Variants in TMEM266 observed in about 807,000 individuals in gnomAD.
TMEM266 encodes transmembrane protein 266, also known as Hv1 related protein 1.
In TMEM266, 33 loss-of-function variants were observed where a neutral mutation model predicts 50.5. The ratio of observed to expected loss-of-function variants is 0.65; its 90% confidence interval spans 0.50 to 0.87. The LOEUF (loss-of-function observed/expected upper bound fraction) is 0.87, where lower values mean the gene tolerates loss of function less well. Ranked by LOEUF, TMEM266 falls within the 40% of genes least tolerant of loss-of-function variation. The pLI is 0.00. For synonymous variants in TMEM266, 310 were observed against 292.3 expected (o/e 1.06, Z -0.62); for missense variants, 655 against 695.1 (o/e 0.94, Z 0.65).
chr15:76,144,602 C>T (rs2037730632), intron 3 of TMEM266, among the ~76,000 whole-genome samples: 1 of 152,110 alleles, frequency 6.6e-6, no homozygotes, highest in Non-Finnish European at 1.5e-5. Flanking sequence ...CAGCTCCAGT[C>T]CTATGTGCTT....
chr15:76,113,436 A>G (rs2037204121), intron 1 of TMEM266: 1 of 152,364 alleles, frequency 6.6e-6, no homozygotes, highest in African/African-American at 2.4e-5. Flanking sequence ...GCTGGAGCAC[A>G]GTGTAGAGAA....
chr15:76,126,776 G>A (rs925877651), intron 1 of TMEM266, among the ~76,000 whole-genome samples: 5 of 152,072 alleles, frequency 3.3e-5, no homozygotes, highest in Admixed American at 6.6e-5. Flanking sequence ...TAGTCCACCT[G>A]CCTGGGCCTC....
intron 3 of TMEM266, among the ~76,000 whole-genome samples, chr15:76,142,517 A>G (rs1168732845): frequency 6.6e-6 from 1 of 152,172 alleles, no homozygotes; most frequent in African/African-American, 2.4e-5. Context: ...TGCTTTCTGC[A>G]GTGGTTGCTG....
chr15:76,089,529 G>T (rs1324342562), intron 1 of TMEM266, among the ~76,000 whole-genome samples: 1 of 152,106 alleles, frequency 6.6e-6, no homozygotes, highest in East Asian at 1.9e-4. Context: ...GAATTCGTGG[G>T]GTTGAAGGGT....
intron 1 of TMEM266, among the ~76,000 whole-genome samples, chr15:76,119,494 C>T (rs1281068335): frequency 2.6e-5 from 4 of 151,684 alleles, no homozygotes; most frequent in Admixed American, 1.3e-4. Flanking sequence ...GAGCCGGGCG[C>T]GGTGGCTCAG....
At chr15:76,147,183 G>C (rs931278489) in intron 3 of TMEM266, among the ~76,000 whole-genome samples, 2 of 152,228 alleles carry the variant, frequency 1.3e-5, no homozygotes, top group Admixed American at 1.3e-4. Flanking sequence ...TTACTACTGT[G>C]GTTGTTGGCT....
At chr15:76,106,849 A>G (rs529891580) in intron 1 of TMEM266, among the ~76,000 whole-genome samples, 2 of 152,298 alleles carry the variant, frequency 1.3e-5, no homozygotes, top group East Asian at 1.9e-4. Flanking sequence ...GTGTGTTGAG[A>G]ACACTTAAAC....
chr15:76,074,665 A>G (rs558741058), intron 1 of TMEM266, among the ~76,000 whole-genome samples: 50 of 152,194 alleles, frequency 3.3e-4, no homozygotes, highest in Admixed American at 2.9e-3. Context: ...CATAAAATTT[A>G]TTGGGACACC....
At chr15:76,201,050 G>T (rs1017604360) in intron 9 of TMEM266, among the ~76,000 whole-genome samples, 1 of 152,086 alleles carries the variant, frequency 6.6e-6, no homozygotes, top group Non-Finnish European at 1.5e-5. Flanking sequence ...TCCTGGGGGT[G>T]CAGACTCGGA....
chr15:76,202,893 A>C (rs980903727), intron 10 of TMEM266, among the ~76,000 whole-genome samples: 4 of 151,890 alleles, frequency 2.6e-5, no homozygotes, highest in African/African-American at 9.7e-5. Flanking sequence ...CATGTGAGTA[A>C]TGCATTTGAA....
At chr15:76,083,297 T>C (rs1355774690) in intron 1 of TMEM266, among the ~76,000 whole-genome samples, 2 of 150,864 alleles carry the variant, frequency 1.3e-5, no homozygotes, top group Non-Finnish European at 3.0e-5. Flanking sequence ...AGTGGTGCGA[T>C]CTCAGCTCAC....
At chr15:76,079,586 A>C (rs1302043103) in intron 1 of TMEM266, among the ~76,000 whole-genome samples, 1 of 145,994 alleles carries the variant, frequency 6.8e-6, no homozygotes, top group African/African-American at 2.5e-5. Context: ...TCAGGAGTTC[A>C]AGACCAGCCT....
At chr15:76,140,863 C>G (rs2037665231) in intron 3 of TMEM266, among the ~76,000 whole-genome samples, 1 of 125,812 alleles carries the variant, frequency 7.9e-6, no homozygotes, top group Non-Finnish European at 1.6e-5. Flanking sequence ...GGCAAAACCC[C>G]ATCTCTACAA....
chr15:76,156,762 A>C lies in TMEM266; in HGVS notation c.382+4A>C. 1 of 1,612,946 alleles carries C rather than the reference A, an allele frequency of 6.2e-7. No individual in the cohort carries two copies. Among genetic ancestry groups the C allele is most frequent in the Non-Finnish European group, 8.5e-7 (1 of 1,179,038 alleles). On this transcript the variant is annotated splice_donor_region_variant and intron_variant, in intron 4 of 10. Transcript: ENST00000388942. ...ATAGATATAAAGCTTCTCCAGTGTG[A>C]GTAGCAAGAGAGATACATATGCCAA...
At chr15:76,125,368 T>C (rs2037405510) in intron 1 of TMEM266, among the ~76,000 whole-genome samples, 2 of 152,082 alleles carry the variant, frequency 1.3e-5, no homozygotes, top group South Asian at 2.1e-4. Flanking sequence ...GGAGGAAGTA[T>C]GTTTTAGCAA....
intron 9 of TMEM266, among the ~76,000 whole-genome samples, chr15:76,195,150 C>T (rs2038635603): frequency 6.6e-6 from 1 of 152,190 alleles, no homozygotes. Context: ...AGAGTAAGCT[C>T]CCAGATCTCC....
At chr15:76,147,622 G>GC (rs1230357489) in intron 3 of TMEM266, among the ~76,000 whole-genome samples, 1 of 152,190 alleles carries the variant, frequency 6.6e-6, no homozygotes, top group Non-Finnish European at 1.5e-5. Flanking sequence ...AATTCTTGAT[G>GC]CCCCAACAAC....
intron 1 of TMEM266, among the ~76,000 whole-genome samples, chr15:76,115,460 G>A (rs957922699): frequency 6.6e-6 from 1 of 152,142 alleles, no homozygotes; most frequent in Non-Finnish European, 1.5e-5. Flanking sequence ...TTCTGCTCTG[G>A]CCCTACGCTC....
chr15:76,126,037 A>AAAAAGTC (rs1304364739), intron 1 of TMEM266, among the ~76,000 whole-genome samples: 1 of 152,076 alleles, frequency 6.6e-6, no homozygotes, highest in Non-Finnish European at 1.5e-5. Flanking sequence ...GACTATTATA[A>AAAAAGTC]AAAAGTCAAA....
Sources: gnomAD v4.1 joint callset for allele counts (sites outside exome capture counted in the v4.1 genomes callset) on GRCh38, gnomAD v4.1.1 for gene constraint, MANE v1.5 for transcripts, NCBI Gene and HGNC (gene_info 2026-07-23, HGNC 2026-07-21) for gene names.